PCDH15: variants seen among roughly 807,000 people sequenced by gnomAD.
The protein encoded by PCDH15 is protocadherin related 15, also known as protocadherin-15.
PCDH15 carries 129 observed loss-of-function variants against 178.5 expected under a neutral mutation model. The ratio of observed to expected loss-of-function variants is 0.72; its 90% CI spans 0.63 to 0.84. The LOEUF (loss-of-function observed/expected upper bound fraction) is 0.84, where lower values mean the gene tolerates loss of function less well. Among genes scored for constraint, PCDH15 ranks in the 40% least tolerant of loss-of-function variants. The pLI is 0.00. For synonymous variants in PCDH15, 800 were observed against 732.0 expected (o/e 1.09, Z -1.50); for missense variants, 2,230 against 2,099.9 (o/e 1.06, Z -1.21).
At chr10:54,081,766 T>C (rs1363437640) in intron 16 of PCDH15, among the ~76,000 whole-genome samples, 1 of 151,758 alleles carries the variant, frequency 6.6e-6, no homozygotes, top group Non-Finnish European at 1.5e-5. Context: ...GCTTCTTCAA[T>C]TGATAAAGCA....
intron 3 of PCDH15, among the ~76,000 whole-genome samples, chr10:54,429,554 TA>T (rs1234183549): frequency 2.6e-5 from 4 of 151,100 alleles, no homozygotes; most frequent in South Asian, 2.1e-4. Context: ...TGAATGGATT[TA>T]AAAAAAAAGA....
intron 1 of PCDH15, among the ~76,000 whole-genome samples, chr10:55,233,008 T>C (rs560326695): frequency 2.5e-4 from 38 of 152,226 alleles, no homozygotes; most frequent in Admixed American, 2.0e-3. Flanking sequence ...CCACTATGTT[T>C]TGGGACAGTT....
intron 18 of PCDH15, among the ~76,000 whole-genome samples, chr10:54,041,993 A>G (rs181817174): frequency 6.6e-6 from 1 of 150,702 alleles, no homozygotes; most frequent in East Asian, 1.9e-4. Context: ...TCTTGAGATT[A>G]TTTTTAGTAA....
At chr10:54,395,429 T>TACACACACAC (rs3069910) in intron 3 of PCDH15, among the ~76,000 whole-genome samples, 6 of 144,930 alleles carry the variant, frequency 4.1e-5, no homozygotes, top group Middle Eastern at 3.3e-3. Flanking sequence ...GTGCATGTAT[T>TACACACACAC]ACACACACAC....
chr10:55,075,063 C>T (rs1354313042), intron 2 of PCDH15, among the ~76,000 whole-genome samples: 1 of 152,076 alleles, frequency 6.6e-6, no homozygotes, highest in Non-Finnish European at 1.5e-5. Flanking sequence ...TATTCTGTTC[C>T]ATTGGTCTAT....
intron 21 of PCDH15, among the ~76,000 whole-genome samples, chr10:53,964,065 C>T (rs1157823512): frequency 6.6e-6 from 1 of 152,168 alleles, no homozygotes; most frequent in Non-Finnish European, 1.5e-5. Flanking sequence ...TTGGCTTTGC[C>T]AAGGCAATAG....
intron 2 of PCDH15, among the ~76,000 whole-genome samples, chr10:55,335,257 A>G (rs887578094): frequency 4.6e-5 from 7 of 152,156 alleles, no homozygotes; most frequent in African/African-American, 1.7e-4. Context: ...TTACTAAATG[A>G]TGGAGATATG....
At chr10:55,043,074 C>T (rs766852489) in intron 2 of PCDH15, among the ~76,000 whole-genome samples, 16 of 151,988 alleles carry the variant, frequency 1.1e-4, no homozygotes, top group Non-Finnish European at 2.2e-4. Context: ...TCTAAAATAC[C>T]ATATGTGTTG....
chr10:54,465,457 A>C (rs900150146), intron 3 of PCDH15, among the ~76,000 whole-genome samples: 2 of 151,856 alleles, frequency 1.3e-5, no homozygotes, highest in African/African-American at 2.4e-5. Flanking sequence ...TCATGATATT[A>C]CCTTTTTTAG....
At chr10:54,882,788 A>G (rs1245676526) in intron 3 of PCDH15, among the ~76,000 whole-genome samples, 3 of 152,084 alleles carry the variant, frequency 2.0e-5, no homozygotes, top group African/African-American at 7.2e-5. Flanking sequence ...AAAATATAGC[A>G]ACCCAAAGAT....
At chr10:54,188,573 C>T (rs1490910134) in intron 11 of PCDH15, among the ~76,000 whole-genome samples, 1 of 151,644 alleles carries the variant, frequency 6.6e-6, no homozygotes, top group African/African-American at 2.4e-5. Context: ...CACTTATCTG[C>T]ATATTATATT....
chr10:54,576,158 C>T (rs181773622), intron 2 of PCDH15, among the ~76,000 whole-genome samples: 20 of 151,708 alleles, frequency 1.3e-4, no homozygotes, highest in Admixed American at 3.3e-4. Flanking sequence ...TATCTACCTA[C>T]CTATCTATCT....
chr10:54,148,339 C>T (rs1207973398), intron 14 of PCDH15, among the ~76,000 whole-genome samples: 1 of 152,012 alleles, frequency 6.6e-6, no homozygotes, highest in Non-Finnish European at 1.5e-5. Flanking sequence ...TGCAGATAAT[C>T]AAGGCCCTGA....
At chr10:54,401,061 A>T (rs1266373846) in intron 3 of PCDH15, among the ~76,000 whole-genome samples, 4 of 152,016 alleles carry the variant, frequency 2.6e-5, no homozygotes, top group Non-Finnish European at 5.9e-5. Context: ...TTAAGAAATT[A>T]AAAAGATTTT....
chr10:55,347,732 C>T (rs1398658034), intron 2 of PCDH15, among the ~76,000 whole-genome samples: 1 of 152,080 alleles, frequency 6.6e-6, no homozygotes, highest in Non-Finnish European at 1.5e-5. Context: ...ATTGAAGGGT[C>T]AAAGTCTTTG....
Position 55,610,630 on chromosome 10 carries a change from A to C in PCDH15, c.-156+16995T>G, listed in dbSNP as rs1205121927. 3.9e-5 allele frequency among the ~76,000 whole-genome samples: 6 copies of C among 152,120 alleles called. No homozygotes were observed. In the South Asian group the frequency reaches 1.2e-3, roughly 31 times the overall value. ...AAGGGCTAAGACGTTTCTGTTTTAT[A>C]TACTTAAGAGCTTAAAAGATACTGT... On this transcript the variant is annotated intron_variant, in intron 2 of 5. Coordinates refer to the PCDH15 transcript ENST00000613346.
intron 8 of PCDH15, among the ~76,000 whole-genome samples, chr10:54,262,674 C>T (rs989655340): frequency 1.3e-5 from 2 of 151,976 alleles, no homozygotes; most frequent in African/African-American, 2.4e-5. Flanking sequence ...GAGGAGGATC[C>T]TCCACAGTCA....
intron 8 of PCDH15, among the ~76,000 whole-genome samples, chr10:54,256,303 C>G (rs1427882351): frequency 6.6e-6 from 1 of 152,120 alleles, no homozygotes; most frequent in Non-Finnish European, 1.5e-5. Context: ...ACTAACAAAG[C>G]AACTAATAAA....
intron 2 of PCDH15, among the ~76,000 whole-genome samples, chr10:54,996,559 T>G (rs1411082236): frequency 6.6e-6 from 1 of 152,134 alleles, no homozygotes; most frequent in Non-Finnish European, 1.5e-5. Flanking sequence ...GCCTTCTTCA[T>G]GGTTGGTCTG....
Sources: gnomAD v4.1 joint callset for allele counts (sites outside exome capture counted in the v4.1 genomes callset) on GRCh38, gnomAD v4.1.1 for gene constraint, MANE v1.5 for transcripts, NCBI Gene and HGNC (gene_info 2026-07-23, HGNC 2026-07-21) for gene names.